SGCG: variants seen among roughly 807,000 people sequenced by gnomAD.
SGCG encodes the protein gamma-sarcoglycan.
SGCG carries 26 observed loss-of-function variants against 29.3 expected under a neutral mutation model. The ratio of observed to expected loss-of-function variants is 0.89; its 90% CI spans 0.65 to 1.23. The LOEUF is 1.23. Among genes scored for constraint, SGCG ranks in the 50% most tolerant of loss-of-function variants. SGCG has a pLI of 0.00. For synonymous variants in SGCG, 145 were observed against 129.7 expected, an observed-to-expected ratio of 1.12 and a Z score of -0.80; for missense variants, 353 against 356.0, an observed-to-expected ratio of 0.99 and a Z score of 0.07.
At chr13:23,275,494 C>A (rs1204691362) in intron 4 of SGCG, among the ~76,000 whole-genome samples, 1 of 120,042 alleles carries the variant, frequency 8.3e-6, no homozygotes, top group Non-Finnish European at 1.9e-5. Context: ...CAGAGCGAGA[C>A]CCTGTCTTTA....
At chr13:23,300,636 A>T (rs1882117097) in intron 6 of SGCG, among the ~76,000 whole-genome samples, 1 of 152,104 alleles carries the variant, frequency 6.6e-6, no homozygotes, top group South Asian at 2.1e-4. Flanking sequence ...AACGCATACT[A>T]CTTCACGGTA....
At chr13:23,257,338 G>A (rs1444603213) in intron 4 of SGCG, among the ~76,000 whole-genome samples, 1 of 152,068 alleles carries the variant, frequency 6.6e-6, no homozygotes, top group Non-Finnish European at 1.5e-5. Context: ...GTATACACGT[G>A]CCATGTTGCT....
intron 4 of SGCG, among the ~76,000 whole-genome samples, chr13:23,278,081 G>T (rs574703151): frequency 1.4e-3 from 216 of 150,818 alleles, no homozygotes; most frequent in Admixed American, 3.3e-3. Context: ...TGATTGGCTC[G>T]CCTTGGCCTG....
intron 2 of SGCG, among the ~76,000 whole-genome samples, chr13:23,232,047 A>C (rs1395213291): frequency 6.6e-6 from 1 of 151,432 alleles, no homozygotes; most frequent in African/African-American, 2.4e-5. Context: ...TGAGCCCAGG[A>C]GGTGGAGGTT....
At chr13:23,182,430 AC>A (rs1876776164) in intron 1 of SGCG, among the ~76,000 whole-genome samples, 1 of 151,864 alleles carries the variant, frequency 6.6e-6, no homozygotes, top group African/African-American at 2.4e-5. Flanking sequence ...TTCAGAACCC[AC>A]CTTGACCTTC....
At chr13:23,164,729 G>A in the SGCG span, among the ~76,000 whole-genome samples, 17 of 152,120 alleles carry the variant, frequency 1.1e-4, no homozygotes, top group South Asian at 2.1e-4. Context: ...GACACAGTCC[G>A]TCTCCTACTC....
chr13:23,302,566 T>C (rs1365509953), intron 6 of SGCG, among the ~76,000 whole-genome samples: 1 of 152,104 alleles, frequency 6.6e-6, no homozygotes, highest in African/African-American at 2.4e-5. Flanking sequence ...ATATGCCAAT[T>C]ACTCTGATTT....
At chr13:23,164,199 C>A in the SGCG span, among the ~76,000 whole-genome samples, 1 of 152,112 alleles carries the variant, frequency 6.6e-6, no homozygotes, top group East Asian at 1.9e-4. Context: ...TTTATAACTC[C>A]CCTTAATCCA....
intron 6 of SGCG, among the ~76,000 whole-genome samples, chr13:23,300,142 C>T (rs551517739): frequency 3.9e-5 from 6 of 152,316 alleles, no homozygotes; most frequent in Admixed American, 1.3e-4. Flanking sequence ...ATTATTTCCA[C>T]GTCTGTTCAT....
chr13:23,283,909 C>G (rs562467026), intron 5 of SGCG, among the ~76,000 whole-genome samples: 3 of 152,296 alleles, frequency 2.0e-5, no homozygotes, highest in African/African-American at 7.2e-5. Context: ...AAATTCTTTT[C>G]TTTAAGAATG....
At chr13:23,179,975 C>T (rs1028528361), upstream of SGCG, among the ~76,000 whole-genome samples, 1 of 151,900 alleles carries the variant, frequency 6.6e-6, no homozygotes, top group African/African-American at 2.4e-5. Context: ...ATTTCATCGC[C>T]CAGGTAGTAA....
chr13:23,206,483 C>A (rs1391174582), intron 2 of SGCG, among the ~76,000 whole-genome samples: 2 of 152,150 alleles, frequency 1.3e-5, no homozygotes, highest in African/African-American at 4.8e-5. Context: ...TCTCACATTG[C>A]AGAATTTTTT....
intron 2 of SGCG, among the ~76,000 whole-genome samples, chr13:23,227,315 GAAAAA>G (rs11330528): frequency 7.8e-6 from 1 of 128,812 alleles, no homozygotes; most frequent in South Asian, 2.4e-4. Context: ...TTAAGAATGG[GAAAAA>G]AAAAAAAAAC....
chr13:23,275,564 A>G (rs1177406665), intron 4 of SGCG, among the ~76,000 whole-genome samples: 1 of 152,046 alleles, frequency 6.6e-6, no homozygotes, highest in Non-Finnish European at 1.5e-5. Flanking sequence ...AGTTTTGCAT[A>G]TGATTATCAG....
chr13:23,301,845 TCA>T (rs966902280), intron 6 of SGCG, among the ~76,000 whole-genome samples: 3 of 150,684 alleles, frequency 2.0e-5, no homozygotes, highest in African/African-American at 7.4e-5. Context: ...TGAGCTGAAA[TCA>T]CACCACTGCA....
At chr13:23,190,388 A>G (rs1877195983) in intron 1 of SGCG, among the ~76,000 whole-genome samples, 1 of 152,176 alleles carries the variant, frequency 6.6e-6, no homozygotes, top group Non-Finnish European at 1.5e-5. Context: ...TGGATTCCAA[A>G]ACCATAAATT....
chr13:23,261,174 A>G (rs1189570054), intron 4 of SGCG, among the ~76,000 whole-genome samples: 2 of 152,110 alleles, frequency 1.3e-5, no homozygotes, highest in African/African-American at 4.8e-5. Context: ...CAGGTACACC[A>G]ATCAAACGTA....
At chr13:23,315,024 C>T (rs1882754454) in intron 6 of SGCG, among the ~76,000 whole-genome samples, 1 of 152,206 alleles carries the variant, frequency 6.6e-6, no homozygotes, top group African/African-American at 2.4e-5. Context: ...GCCGCTTGGG[C>T]CATATGACTC....
chr13:23,324,025 A>C (rs1883141464), intron 7 of SGCG, among the ~76,000 whole-genome samples: 1 of 152,230 alleles, frequency 6.6e-6, no homozygotes, highest in Non-Finnish European at 1.5e-5. Flanking sequence ...GCATAGCATC[A>C]CAAAACTGAA....
Sources: gnomAD v4.1 joint callset for allele counts (sites outside exome capture counted in the v4.1 genomes callset) on GRCh38, gnomAD v4.1.1 for gene constraint, MANE v1.5 for transcripts, NCBI Gene and HGNC (gene_info 2026-07-23, HGNC 2026-07-21) for gene names.